ZNF423: variants seen among roughly 807,000 people sequenced by gnomAD.
The protein encoded by ZNF423 is zinc finger protein 423.
Under a neutral mutation model 95.8 loss-of-function variants are expected in ZNF423, and 12 were observed. The observed-to-expected ratio is 0.13, with a 90% confidence interval of 0.08 to 0.20. The LOEUF (loss-of-function observed/expected upper bound fraction) is 0.20, where lower values mean the gene tolerates loss of function less well. ZNF423 is among the 10% of genes least tolerant of loss of function. The pLI is 1.00. For synonymous variants in ZNF423, 749 were observed against 711.9 expected (o/e 1.05, Z -0.83); for missense variants, 1,316 against 1,737.1 (o/e 0.76, Z 4.31).
chr16:49,832,038 T>TTGC (rs2035065958), intron 1 of ZNF423, among the ~76,000 whole-genome samples: 1 of 151,756 alleles, frequency 6.6e-6, no homozygotes. Flanking sequence ...GCTTTCTTTG[T>TTGC]TGCTTCTGAC....
chr16:49,810,410 C>A (rs2034732937), intron 1 of ZNF423, among the ~76,000 whole-genome samples: 1 of 152,190 alleles, frequency 6.6e-6, no homozygotes, highest in Non-Finnish European at 1.5e-5. Context: ...AGGCCCCCAC[C>A]AGACCTCTGC....
intron 5 of ZNF423, among the ~76,000 whole-genome samples, chr16:49,613,110 T>C (rs1313170884): frequency 6.6e-6 from 1 of 151,946 alleles, no homozygotes; most frequent in Non-Finnish European, 1.5e-5. Context: ...CAAATCAATA[T>C]ACACATTTAA....
At chr16:49,553,631 G>T (rs1482892836) in intron 5 of ZNF423, among the ~76,000 whole-genome samples, 3 of 151,784 alleles carry the variant, frequency 2.0e-5, no homozygotes, top group African/African-American at 7.3e-5. Flanking sequence ...ACAGGCATGT[G>T]TCGCCGAGCC....
intron 2 of ZNF423, among the ~76,000 whole-genome samples, chr16:49,761,215 C>A (rs1212688148): frequency 6.6e-6 from 1 of 152,198 alleles, no homozygotes; most frequent in Non-Finnish European, 1.5e-5. Context: ...CATAGGACTG[C>A]TGGTGGTTAA....
chr16:49,494,115 G>C (rs991289954), intron 7 of ZNF423, among the ~76,000 whole-genome samples: 1 of 152,188 alleles, frequency 6.6e-6, no homozygotes, highest in Non-Finnish European at 1.5e-5. Flanking sequence ...GGCACTGCTG[G>C]TGCAGACATG....
chr16:49,568,059 T>C (rs1400763984), intron 5 of ZNF423, among the ~76,000 whole-genome samples: 3 of 152,146 alleles, frequency 2.0e-5, no homozygotes, highest in African/African-American at 7.2e-5. Context: ...AATTAGTGTA[T>C]TCCATGTCTC....
intron 1 of ZNF423, among the ~76,000 whole-genome samples, chr16:49,846,462 T>C (rs2035247501): frequency 6.6e-6 from 1 of 152,058 alleles, no homozygotes; most frequent in Admixed American, 6.6e-5. Flanking sequence ...CAACCTGTGT[T>C]TTTCAGGATT....
At chr16:49,805,581 T>C (rs902567046) in intron 1 of ZNF423, among the ~76,000 whole-genome samples, 15 of 152,304 alleles carry the variant, frequency 9.8e-5, no homozygotes, top group Middle Eastern at 3.4e-3. Context: ...AGATTGCCTG[T>C]ACCTTCTCAA....
intron 7 of ZNF423, chr16:49,518,351 C>A: frequency 2.4e-6 from 1 of 419,738 alleles, no homozygotes; most frequent in Non-Finnish European, 4.6e-6. Flanking sequence ...AATCTTTCCA[C>A]AAAGAATATC....
intron 3 of ZNF423, among the ~76,000 whole-genome samples, chr16:49,677,297 A>AAGG (rs1567284051): frequency 1.8e-4 from 14 of 78,310 alleles, no homozygotes; most frequent in South Asian, 7.1e-4. Context: ...AGAAGAGAAG[A>AAGG]GAAGAGAAGA....
rs149463356 is a variant in ZNF423, at chr16:49,802,651, C to T, written c.41-13105G>A. Among the ~76,000 whole-genome samples the T allele has an allele frequency of 9.4e-3, 1,436 of 152,190 alleles. 4 individuals carry two copies. The highest frequency in any genetic ancestry group is 0.024 in the Middle Eastern group (7 of 294). On this transcript the variant is annotated intron_variant, in intron 1 of 7. Coordinates refer to ENST00000563137, the MANE Select transcript of ZNF423 (RefSeq NM_001379286.1). Reference sequence around the variant, plus strand: ...CGCTGCAGAGACCCCAGCTCTCCCACCCACCCCACCTGCCCTGCCTAGGCT... The same window carrying T: ...CGCTGCAGAGACCCCAGCTCTCCCATCCACCCCACCTGCCCTGCCTAGGCT...
intron 2 of ZNF423, among the ~76,000 whole-genome samples, chr16:49,754,663 G>A (rs2033692053): frequency 6.6e-6 from 1 of 152,216 alleles, no homozygotes. Flanking sequence ...CGTAACACAT[G>A]TGCACCAAGC....
At chr16:49,769,415 G>A (rs1380293767) in intron 2 of ZNF423, among the ~76,000 whole-genome samples, 2 of 151,292 alleles carry the variant, frequency 1.3e-5, no homozygotes, top group African/African-American at 4.9e-5. Flanking sequence ...AAAGAAAAAA[G>A]AAACTCAGAA....
intron 5 of ZNF423, among the ~76,000 whole-genome samples, chr16:49,543,741 G>C (rs1191792907): frequency 1.3e-5 from 2 of 152,182 alleles, no homozygotes; most frequent in African/African-American, 4.8e-5. Flanking sequence ...AACTGAGGAA[G>C]GACTGCCCAG....
At chr16:49,687,836 C>A (rs532800384) in intron 3 of ZNF423, among the ~76,000 whole-genome samples, 3 of 152,146 alleles carry the variant, frequency 2.0e-5, no homozygotes, top group Non-Finnish European at 2.9e-5. Context: ...CTCTGCCCCC[C>A]ACATGTGAGA....
intron 2 of ZNF423, among the ~76,000 whole-genome samples, chr16:49,785,669 C>A (rs1361165237): frequency 1.3e-5 from 2 of 152,234 alleles, no homozygotes; most frequent in Non-Finnish European, 2.9e-5. Context: ...ATGGCCCAGC[C>A]AGCAGGAGCT....
chr16:49,593,036 C>G (rs915231747), intron 5 of ZNF423, among the ~76,000 whole-genome samples: 2 of 152,146 alleles, frequency 1.3e-5, no homozygotes, highest in African/African-American at 4.8e-5. Flanking sequence ...AATACCTGAT[C>G]AAGATGGATT....
At chr16:49,604,504 G>C (rs1367858963) in intron 5 of ZNF423, among the ~76,000 whole-genome samples, 1 of 152,090 alleles carries the variant, frequency 6.6e-6, no homozygotes, top group African/African-American at 2.4e-5. Context: ...TGATCTAGTG[G>C]CCTCGTTTCT....
rs1346805830 is a variant in ZNF423 at position 49,806,774 on chromosome 16, A to ATCCCAGCACTTTGGGAGGCCAAG, written c.41-17251_41-17229dup. Among the ~76,000 whole-genome samples, 10 of 152,222 alleles carry ATCCCAGCACTTTGGGAGGCCAAG rather than the reference A, an allele frequency of 6.6e-5. No individual in the cohort carries two copies. In the East Asian group the frequency reaches 1.9e-3, roughly 29 times the overall value. On this transcript the variant is annotated intron_variant, in intron 1 of 7. Transcript: ENST00000563137. Reference sequence around the variant, plus strand: ...CCAGGCGCTGTGACTCACGCCTGTAATCCCAGCACTTTGGGAGGCCAAGGC... The same window carrying ATCCCAGCACTTTGGGAGGCCAAG: ...CCAGGCGCTGTGACTCACGCCTGTAATCCCAGCACTTTGGGAGGCCAAGTCCCAGCACTTTGGGAGGCCAAGGC...
Sources: gnomAD v4.1 joint callset for allele counts (sites outside exome capture counted in the v4.1 genomes callset) on GRCh38, gnomAD v4.1.1 for gene constraint, MANE v1.5 for transcripts, NCBI Gene and HGNC (gene_info 2026-07-23, HGNC 2026-07-21) for gene names.